The following SNRNP70 variants were observed in gnomAD, a reference collection of about 807,000 sequenced individuals.
SNRNP70 encodes the protein U1 small nuclear ribonucleoprotein 70 kDa.
SNRNP70 carries 8 observed loss-of-function variants against 50.5 expected under a neutral mutation model. The ratio of observed to expected loss-of-function variants is 0.16; its 90% confidence interval spans 0.09 to 0.29. The LOEUF (loss-of-function observed/expected upper bound fraction) is 0.29, where lower values mean the gene tolerates loss of function less well. Among genes scored for constraint, SNRNP70 ranks in the 10% least tolerant of loss-of-function variants. The pLI is 1.00. For missense variants in SNRNP70, 529 were observed against 663.5 expected (o/e 0.80, Z 2.23); for synonymous variants, 320 against 252.9 (o/e 1.27, Z -2.52).
At chr19:49,088,828 C>T (rs570253310) in intron 2 of SNRNP70, among the ~76,000 whole-genome samples, 1 of 152,112 alleles carries the variant, frequency 6.6e-6, no homozygotes, top group Non-Finnish European at 1.5e-5. Flanking sequence ...GTTGATGAGA[C>T]CTTTAAGAGC....
chr19:49,089,306 G>T (rs1021288474), intron 2 of SNRNP70, among the ~76,000 whole-genome samples: 1 of 152,062 alleles, frequency 6.6e-6, no homozygotes, highest in Non-Finnish European at 1.5e-5. Context: ...GGAGGCTTAG[G>T]CAGGAGAACC....
In SNRNP70 at chr19:49,107,146, G is replaced by A. The variant is rs2040680784; in HGVS notation, c.578-479G>A. ...CGTGGGGACACTGGGAAAGGCCTGG[G>A]ACACGCAGCCAAGAGCCGCGGCTCA... On this transcript the variant is annotated intron_variant, in intron 8 of 9. Transcript: ENST00000598441. This position sits in a 1 kb window ranked among gnomAD's most constrained non-coding sequence, Gnocchi z 6.0. 1.3e-5 allele frequency among the ~76,000 whole-genome samples: 2 copies of A among 152,204 alleles called. No homozygotes were observed. Among genetic ancestry groups the A allele is most frequent in the Non-Finnish European group, 2.9e-5 (2 of 68,028 alleles).
chr19:49,086,457 C>T lies in SNRNP70; in HGVS notation c.43C>T (p.Pro15Ser), dbSNP rs1404750079. 4 of 1,613,956 alleles carry T rather than the reference C, an allele frequency of 2.5e-6. No individual in the cohort carries two copies. The highest frequency in any genetic ancestry group is 3.4e-6 in the Non-Finnish European group (4 of 1,180,006). Residue 15 changes from proline (P) to serine (S), a missense_variant, in exon 2 of 10, where the codon CCC (proline) becomes TCC (serine). Pro to Ser is a moderately conservative substitution (Grantham distance 74, BLOSUM62 -1). Transcript: ENST00000598441. ...LPPNLLALFAPRDPIPYLPPL... is the reference protein window; with the variant it reads ...LPPNLLALFASRDPIPYLPPL... The stretch of plus-strand genomic sequence containing the variant: ...GCCCAACCTTCTGGCCCTCTTTGCC[C>T]CCCGTGACCCTATTCCATACCTGCC...
chr19:49,105,400 G>A (rs987111402), intron 8 of SNRNP70, among the ~76,000 whole-genome samples: 8 of 152,098 alleles, frequency 5.3e-5, no homozygotes, highest in East Asian at 3.9e-4. Context: ...TGTGATGTCC[G>A]TGGACCTGAG....
At chr19:49,101,900 C>T (rs1221196619) in intron 7 of SNRNP70, among the ~76,000 whole-genome samples, 1 of 151,806 alleles carries the variant, frequency 6.6e-6, no homozygotes, top group Non-Finnish European at 1.5e-5. Context: ...GCTGGGCCAC[C>T]CGACCCTCCG....
intron 4 of SNRNP70, among the ~76,000 whole-genome samples, chr19:49,093,426 CT>C (rs2040473273): frequency 6.6e-6 from 1 of 152,036 alleles, no homozygotes; most frequent in South Asian, 2.1e-4. Flanking sequence ...GGCGTGGTGG[CT>C]CACGCCTGTA....
Position 49,108,534 on chromosome 19 carries a change from T to C in SNRNP70, c.*91T>C. The C allele has an allele frequency of 6.7e-7, 1 of 1,485,592 alleles. No homozygotes were observed. Among genetic ancestry groups the C allele is most frequent in the Non-Finnish European group, 9.0e-7 (1 of 1,108,910 alleles). 92.0% of individuals were successfully genotyped at this position (1,485,592 alleles called of 1,614,324 possible). A position where few individuals can be genotyped will look rare whatever the true frequency, so the allele number is the denominator to read the frequency against. ...TCCCCCAACCTTGGCCACTTGAGTT[T>C]GTCCTCCAAGGGTAGGTGTCTCATT... On this transcript the variant is annotated 3_prime_UTR_variant, in exon 10 of 10. Transcript: ENST00000598441.
rs2122422441 is a variant in SNRNP70, at chr19:49,108,277, G to A, written c.1148G>A (p.Arg383Gln). Reference protein sequence around the residue: ...DRDREHKRGERGSERGRDEAR... With the variant: ...DRDREHKRGEQGSERGRDEAR... ...GACCGCGAGCACAAACGGGGGGAGC[G>A]GGGCAGTGAGCGGGGCAGGGATGAG... is the stretch of plus-strand genomic sequence containing the variant. The change falls in exon 10 of 10, where the codon CGG becomes CAG. Residue 383 changes from arginine (R) to glutamine (Q), a missense_variant. Arg to Gln is a conservative substitution (Grantham distance 43). Coordinates refer to ENST00000598441, the MANE Select transcript of SNRNP70 (RefSeq NM_003089.6). The A allele has an allele frequency of 1.9e-6, 3 of 1,561,758 alleles. No homozygotes were observed. Among genetic ancestry groups the A allele is most frequent in the East Asian group, 4.8e-5 (2 of 41,864 alleles).
intron 1 of SNRNP70, 146 bp from the exon 2 acceptor site, chr19:49,086,259 A>G (rs2040377949): frequency 2.2e-6 from 2 of 900,060 alleles, no homozygotes; most frequent in Non-Finnish European, 1.7e-6. Context: ...TTTCTCCGCA[A>G]CACAGGACTG....
chr19:49,088,221 G>A (rs1399118021), intron 2 of SNRNP70, among the ~76,000 whole-genome samples: 1 of 33,066 alleles, frequency 3.0e-5, no homozygotes, highest in Non-Finnish European at 6.6e-5. Flanking sequence ...TTTTTTTTTT[G>A]ACTTGGAGTC....
intron 4 of SNRNP70, among the ~76,000 whole-genome samples, chr19:49,097,055 C>T (rs1003583795): frequency 8.6e-5 from 13 of 151,620 alleles, no homozygotes; most frequent in Non-Finnish European, 1.6e-4. Flanking sequence ...GCTTGAACCT[C>T]GGAGGCAGAG....
At chr19:49,101,719 T>C (rs1600286447) in intron 7 of SNRNP70, 1 of 497,768 alleles carries the variant, frequency 2.0e-6, no homozygotes, top group Non-Finnish European at 3.7e-6. Flanking sequence ...ACGTTGAACC[T>C]CAGGGGCAAA....
chr19:49,090,413 A>G, intron 3 of SNRNP70, 53 bp from the exon 4 acceptor site: 1 of 1,612,968 alleles, frequency 6.2e-7, no homozygotes, highest in Non-Finnish European at 8.5e-7. Flanking sequence ...GATCCTTGAC[A>G]CTAGGGCACT....
At chr19:49,085,660 C>T (rs1411554901) in intron 1 of SNRNP70, 24 bp downstream of exon 1, 3 of 455,696 alleles carry the variant, frequency 6.6e-6, no homozygotes, top group South Asian at 4.6e-5. Flanking sequence ...ACTGAGTGGC[C>T]CGACGGGGTG....
chr19:49,101,057 C>A (rs1268354098), intron 6 of SNRNP70, among the ~76,000 whole-genome samples: 1 of 152,204 alleles, frequency 6.6e-6, no homozygotes, highest in African/African-American at 2.4e-5. Context: ...ATGAGCCAGC[C>A]CTGCCGAAGC....
intron 6 of SNRNP70, among the ~76,000 whole-genome samples, chr19:49,099,690 G>T (rs1260720178): frequency 2.7e-5 from 4 of 147,616 alleles, no homozygotes; most frequent in Non-Finnish European, 4.5e-5. Context: ...AGTGAGCCGA[G>T]ATCACACCAC....
chr19:49,094,637 A>C (rs1385227741), intron 4 of SNRNP70, among the ~76,000 whole-genome samples: 1 of 152,196 alleles, frequency 6.6e-6, no homozygotes. Flanking sequence ...TAGAAAAGAA[A>C]TAAAAGAATG....
At chr19:49,090,074 GTGC>G (rs2122313650) in intron 2 of SNRNP70, among the ~76,000 whole-genome samples, 1 of 152,096 alleles carries the variant, frequency 6.6e-6, no homozygotes, top group East Asian at 1.9e-4. Context: ...TCATCCCAAA[GTGC>G]TGCGATTACA....
At chr19:49,097,843 T>C (rs1330213984) in intron 4 of SNRNP70, among the ~76,000 whole-genome samples, 1 of 152,068 alleles carries the variant, frequency 6.6e-6, no homozygotes, top group Non-Finnish European at 1.5e-5. Flanking sequence ...GATCTGACGC[T>C]AGTCAGTTCC....
Sources: allele counts gnomAD v4.1 joint callset (sites outside exome capture counted in the v4.1 genomes callset), GRCh38; gene constraint gnomAD v4.1.1; non-coding constraint Gnocchi (gnomAD v3.1); transcripts MANE v1.5; gene names NCBI Gene and HGNC (gene_info 2026-07-23, HGNC 2026-07-21).